RAD52: variants seen among roughly 807,000 people sequenced by gnomAD.
RAD52 encodes the protein RAD52 DNA repair protein, also known as DNA repair protein RAD52 homolog.
Under a neutral mutation model 55.5 loss-of-function variants are expected in RAD52, and 47 were observed. The observed-to-expected ratio is 0.85, with a 90% confidence interval of 0.67 to 1.08. The LOEUF (loss-of-function observed/expected upper bound fraction) is 1.08, where lower values mean the gene tolerates loss of function less well. Ranked by LOEUF, RAD52 falls within the 50% of genes least tolerant of loss-of-function variation. The probability of loss-of-function intolerance (pLI) is 0.00; values close to 1 mark genes in which losing one functional copy is unlikely to be tolerated. For synonymous variants in RAD52, 184 were observed against 198.9 expected, an observed-to-expected ratio of 0.92 and a Z score of 0.63; for missense variants, 468 against 522.8, an observed-to-expected ratio of 0.90 and a Z score of 1.02.
At chr12:988,044 C>T (rs1265174648) in intron 1 of RAD52, among the ~76,000 whole-genome samples, 1 of 152,144 alleles carries the variant, frequency 6.6e-6, no homozygotes, top group Non-Finnish European at 1.5e-5. Context: ...ACCATCCTGG[C>T]TCACTGCTCC....
intron 1 of RAD52, among the ~76,000 whole-genome samples, chr12:980,002 G>A (rs192429907): frequency 2.8e-4 from 43 of 152,104 alleles, no homozygotes; most frequent in African/African-American, 9.9e-4. Context: ...GGCCGAGATC[G>A]TGCCGATGAA....
upstream of RAD52, among the ~76,000 whole-genome samples, chr12:952,754 T>C (rs940284230): frequency 3.0e-4 from 45 of 148,744 alleles, no homozygotes; most frequent in African/African-American, 9.9e-4. Flanking sequence ...TAGCTGGGCA[T>C]GGTGGTGGGT....
upstream of RAD52, chr12:990,954 T>TGG (rs995342153): frequency 7.1e-6 from 1 of 141,728 alleles, no homozygotes. Flanking sequence ...TGTGTGTGAG[T>TGG]GTGTGTGTGT....
intron 1 of RAD52, among the ~76,000 whole-genome samples, chr12:986,918 C>T (rs1174471064): frequency 6.6e-6 from 1 of 152,002 alleles, no homozygotes; most frequent in South Asian, 2.1e-4. Context: ...TTGTCAGATA[C>T]CCTGATTTCT....
intron 10 of RAD52, 124 bp from the exon 11 acceptor site, chr12:914,245 T>G: frequency 1.6e-6 from 2 of 1,284,410 alleles, no homozygotes; most frequent in South Asian, 2.9e-5. Flanking sequence ...TTGGAATTTC[T>G]CTCCCCTCCC....
chr12:966,168 T>G (rs1024142910), intron 1 of RAD52, among the ~76,000 whole-genome samples: 5 of 151,956 alleles, frequency 3.3e-5, no homozygotes, highest in Non-Finnish European at 7.4e-5. Context: ...GGTCTTGTTA[T>G]GTTGTCCAGA....
intron 1 of RAD52, among the ~76,000 whole-genome samples, chr12:947,125 G>A (rs1365260098): frequency 3.3e-5 from 5 of 152,070 alleles, no homozygotes; most frequent in South Asian, 2.1e-4. Flanking sequence ...TAGGGAGTTC[G>A]AGACCAGCGT....
chr12:914,105 G>A lies in RAD52; in HGVS notation c.984C>T (p.Asn328=), dbSNP rs1258332727. The change falls in exon 11 of 12, where the codon AAC becomes AAT. Residue 328 remains asparagine, a synonymous_variant. Transcript: ENST00000358495. The part of the protein sequence containing the change: ...TQELIKTLED[N]SEKWAVTPDA... Reference sequence around the variant, plus strand: ...CGGGAGTCACAGCCCACTTTTCAGAGTTGTCTTCAAGAGTCTCTACAGAGG... The same window carrying A: ...CGGGAGTCACAGCCCACTTTTCAGAATTGTCTTCAAGAGTCTCTACAGAGG... 5 of 1,613,972 alleles carry A rather than the reference G, an allele frequency of 3.1e-6. No homozygotes were observed. Among genetic ancestry groups the A allele is most frequent in the Non-Finnish European group, 4.2e-6 (5 of 1,179,980 alleles).
At chr12:980,633 GCT>G (rs1959002050) in intron 1 of RAD52, among the ~76,000 whole-genome samples, 1 of 146,360 alleles carries the variant, frequency 6.8e-6, no homozygotes, top group African/African-American at 2.6e-5. Flanking sequence ...ACAGAGTCTT[GCT>G]CTGTTGCCCA....
In RAD52 at chr12:958,121, T is replaced by C. The variant is rs1198192717; in HGVS notation, c.-18-25045A>G. 2.0e-5 allele frequency among the ~76,000 whole-genome samples: 3 copies of C among 152,232 alleles called. No individual in the cohort carries two copies. The East Asian group carries it at 5.8e-4, about 29-fold the overall frequency. ...GGGAGGAACATGGGGCTCCTCTCCA[T>C]GTGGGCCTCTCCGCAGACGGGATTT... On this transcript the variant is annotated intron_variant, in intron 1 of 11. Transcript: ENST00000430095.
intron 1 of RAD52, among the ~76,000 whole-genome samples, chr12:967,155 G>C (rs1380024961): frequency 6.6e-6 from 1 of 152,078 alleles, no homozygotes; most frequent in African/African-American, 2.4e-5. Context: ...GAGGTGGGCA[G>C]ATCATTTAAG....
In RAD52 at chr12:921,839, C is replaced by T. The variant is rs562683288; in HGVS notation, c.543+3611G>A. ...AAATATGGTTGGCTGGGTGCGGGGG[C>T]TCACACCTGTAATCCCATCACTTTG... is the stretch of plus-strand genomic sequence containing the variant. On this transcript the variant is annotated intron_variant, in intron 7 of 11. Coordinates refer to ENST00000358495, the MANE Select transcript of RAD52 (RefSeq NM_134424.4). Among the ~76,000 whole-genome samples, 3 of 152,228 alleles carry T rather than the reference C, an allele frequency of 2.0e-5. No homozygotes were observed. In the South Asian group the frequency reaches 6.2e-4, roughly 32 times the overall value.
Position 914,092 on chromosome 12 carries a change from C to T in RAD52, c.997G>A (p.Ala333Thr). ...KTLEDNSEKW[A>T]VTPDAGDGVV... Reference sequence around the variant, plus strand: ...CCATCCCCTGCATCGGGAGTCACAGCCCACTTTTCAGAGTTGTCTTCAAGA... The same window carrying T: ...CCATCCCCTGCATCGGGAGTCACAGTCCACTTTTCAGAGTTGTCTTCAAGA... Residue 333 changes from alanine to threonine, a missense_variant, in exon 11 of 12, where the codon GCT (alanine) becomes ACT (threonine). Ala to Thr is a moderately conservative substitution (Grantham distance 58, BLOSUM62 0). Transcript: ENST00000358495. 4.3e-6 allele frequency: 7 copies of T among 1,614,116 alleles called. No homozygotes were observed. The highest frequency in any genetic ancestry group is 5.9e-6 in the Non-Finnish European group (7 of 1,180,028).
intron 1 of RAD52, among the ~76,000 whole-genome samples, chr12:943,592 C>G (rs1471799612): frequency 6.6e-6 from 1 of 152,040 alleles, no homozygotes; most frequent in African/African-American, 2.4e-5. Flanking sequence ...CAAGTGATCC[C>G]CCCGCCTCGG....
chr12:971,800 T>C (rs755869084), intron 1 of RAD52, among the ~76,000 whole-genome samples: 2 of 151,868 alleles, frequency 1.3e-5, no homozygotes, highest in Non-Finnish European at 2.9e-5. Flanking sequence ...CAGGCTGGAG[T>C]GCAGTGGCGC....
chr12:927,083 C>G, intron 6 of RAD52, 62 bp downstream of exon 6: 2 of 1,557,902 alleles, frequency 1.3e-6, no homozygotes, highest in East Asian at 4.5e-5. Context: ...CAAAAAAAAT[C>G]GAAATCTGCT....
At chr12:916,223 G>C in intron 9 of RAD52, 121 bp downstream of exon 9, 1 of 1,492,352 alleles carries the variant, frequency 6.7e-7, no homozygotes, top group Non-Finnish European at 8.8e-7. Context: ...TAGCTTGAGA[G>C]AAGTCCCAGC....
rs576446535 is a variant in RAD52, at chr12:912,104, A to C, written c.*1287T>G. 2 of 200,018 alleles carry C rather than the reference A, an allele frequency of 1.0e-5. No individual in the cohort carries two copies. The highest frequency in any genetic ancestry group is 3.8e-4 in the South Asian group (2 of 5,222). 12.4% of individuals were successfully genotyped at this position (200,018 alleles called of 1,614,324 possible). On this transcript the variant is annotated 3_prime_UTR_variant, in exon 12 of 12. Coordinates refer to ENST00000358495, the MANE Select transcript of RAD52 (RefSeq NM_134424.4). Reference sequence around the variant, plus strand: ...AACATCTGAGCACTATGAAAAGCCAATTTATGGTCAAGGTGGGTTACATCT... The same window carrying C: ...AACATCTGAGCACTATGAAAAGCCACTTTATGGTCAAGGTGGGTTACATCT...
chr12:955,705 C>T (rs901831771), intron 1 of RAD52, among the ~76,000 whole-genome samples: 2 of 152,076 alleles, frequency 1.3e-5, no homozygotes, highest in African/African-American at 4.8e-5. Flanking sequence ...AGCTCCTGAC[C>T]TTGTGATCCG....
Sources: allele counts gnomAD v4.1 joint callset (sites outside exome capture counted in the v4.1 genomes callset), GRCh38; gene constraint gnomAD v4.1.1; transcripts MANE v1.5; gene names NCBI Gene and HGNC (gene_info 2026-07-23, HGNC 2026-07-21).